Variants in PTPRD observed in about 807,000 individuals in gnomAD.
PTPRD encodes receptor-type tyrosine-protein phosphatase delta.
In PTPRD, 34 loss-of-function variants were observed where a neutral mutation model predicts 214.5. That is an observed-to-expected ratio of 0.16 (90% confidence interval 0.12 to 0.21). The LOEUF is 0.21. Ranked by LOEUF, PTPRD falls within the 10% of genes least tolerant of loss-of-function variation. The probability of loss-of-function intolerance (pLI) is 1.00; values close to 1 mark genes in which losing one functional copy is unlikely to be tolerated. For synonymous variants in PTPRD, 1,128 were observed against 845.7 expected (o/e 1.33, Z -5.79); for missense variants, 2,545 against 2,398.7 (o/e 1.06, Z -1.27).
intron 2 of PTPRD, among the ~76,000 whole-genome samples, chr9:10,384,102 T>G (rs1271394294): frequency 2.7e-5 from 4 of 149,782 alleles, no homozygotes. Context: ...GAAAAAGACC[T>G]AGTATTTGAT....
intron 44 of PTPRD, among the ~76,000 whole-genome samples, chr9:8,331,209 T>C (rs1350103256): frequency 3.4e-5 from 5 of 148,996 alleles, no homozygotes; most frequent in Admixed American, 6.6e-5. Flanking sequence ...TTCATGAGGT[T>C]TTCACAAACA....
intron 11 of PTPRD, chr9:8,963,073 A>C (rs893039138): frequency 2.0e-5 from 3 of 152,138 alleles, no homozygotes; most frequent in African/African-American, 7.2e-5. Flanking sequence ...AAAATGAATA[A>C]ACTATAACAA....
Position 8,315,872 on chromosome 9 carries a change from T to G in PTPRD, c.*2002A>C, listed in dbSNP as rs988308037. On this transcript the variant is annotated 3_prime_UTR_variant, in exon 46 of 46. Transcript: ENST00000381196. ...GGATTATTTAAAATCATGTAATATG[T>G]GGCAAACTTATGCCATCATCCATGG... The G allele has an allele frequency of 8.9e-6, 2 of 225,310 alleles. No individual in the cohort carries two copies. The highest frequency in any genetic ancestry group is 4.5e-5 in the African/African-American group (2 of 44,846). 14.0% of individuals were successfully genotyped at this position (225,310 alleles called of 1,614,324 possible).
intron 21 of PTPRD, among the ~76,000 whole-genome samples, chr9:8,514,202 ATTAC>A (rs1399307165): frequency 6.6e-6 from 1 of 152,092 alleles, no homozygotes; most frequent in Admixed American, 6.6e-5. Context: ...CTACTTCAAC[ATTAC>A]TTCTATATTT....
At chr9:9,416,965 G>A (rs548871669) in intron 8 of PTPRD, among the ~76,000 whole-genome samples, 1 of 152,208 alleles carries the variant, frequency 6.6e-6, no homozygotes, top group African/African-American at 2.4e-5. Flanking sequence ...TGCACTCATA[G>A]TTAATCTGGG....
intron 7 of PTPRD, among the ~76,000 whole-genome samples, chr9:9,692,309 C>A (rs12553769): frequency 0.62 from 94,756 of 151,696 alleles, 29,966 homozygotes; most frequent in South Asian, 0.66. Context: ...GTGTATAAAG[C>A]AAGAGGTAGG....
At chr9:8,460,127 T>C (rs571185756) in intron 33 of PTPRD, 3 of 366,316 alleles carry the variant, frequency 8.2e-6, no homozygotes, top group Admixed American at 8.9e-5. Flanking sequence ...AATGCCTCAA[T>C]TGTTATGAAA....
At position 8,633,530 on chromosome 9, in the gene PTPRD, A is replaced by G. The variant is rs928583386; in HGVS notation, c.211-72T>C. The G allele has an allele frequency of 2.0e-6, 3 of 1,537,320 alleles. No homozygotes were observed. The African/African-American group carries it at 4.2e-5, about 21-fold the overall frequency. On this transcript the variant is annotated intron_variant, in intron 13 of 45. Transcript: ENST00000381196. ...ACCTCTCAGCTAAAGCTCTCAATAC[A>G]GTGGTGGATCCGCCATTAGGCTCAT... is the stretch of plus-strand genomic sequence containing the variant.
At chr9:9,472,455 G>A (rs1231562500) in intron 8 of PTPRD, among the ~76,000 whole-genome samples, 3 of 151,712 alleles carry the variant, frequency 2.0e-5, no homozygotes, top group Admixed American at 6.6e-5. Context: ...CACCCGCCTC[G>A]GCCTCCCAAA....
At chr9:10,440,293 T>C (rs914840695) in intron 2 of PTPRD, among the ~76,000 whole-genome samples, 1 of 151,760 alleles carries the variant, frequency 6.6e-6, no homozygotes, top group African/African-American at 2.4e-5. Flanking sequence ...AAAGTTTATT[T>C]TTGTTGTCAT....
intron 2 of PTPRD, among the ~76,000 whole-genome samples, chr9:10,362,884 T>A (rs2097423835): frequency 6.6e-6 from 1 of 152,006 alleles, no homozygotes; most frequent in African/African-American, 2.4e-5. Context: ...CATCTCAAAA[T>A]AAATAAAAAA....
At chr9:10,339,218 A>G (rs1030335478) in intron 3 of PTPRD, among the ~76,000 whole-genome samples, 13 of 151,798 alleles carry the variant, frequency 8.6e-5, no homozygotes, top group Non-Finnish European at 1.8e-4. Flanking sequence ...AAATTTTCAG[A>G]CCACTTTCTT....
rs375805962 is a variant in PTPRD, at chr9:8,934,464, A to AATATAT, written c.-104+84227_-104+84232dup. 6.3e-4 allele frequency among the ~76,000 whole-genome samples: 7 copies of AATATAT among 11,090 alleles called. 1 individual carries two copies. Among genetic ancestry groups the AATATAT allele is most frequent in the East Asian group, 4.2e-3 (1 of 236 alleles). The allele number at this position is 11,090 out of a possible 152,430, so 7.3% of individuals were successfully genotyped here. Reference sequence around the variant, plus strand: ...ATATATATAAATTTATATATATATAAATATATATATATAAATATATATATA... The same window carrying AATATAT: ...ATATATATAAATTTATATATATATAAATATATATATATATATATAAATATATATATA... On this transcript the variant is annotated intron_variant, in intron 11 of 45. Coordinates refer to ENST00000381196, the MANE Select transcript of PTPRD (RefSeq NM_002839.4).
At chr9:8,816,863 A>G (rs531858036) in intron 11 of PTPRD, among the ~76,000 whole-genome samples, 1 of 152,306 alleles carries the variant, frequency 6.6e-6, no homozygotes, top group East Asian at 1.9e-4. Context: ...TTCTTTCCTC[A>G]CCTTCTAAGG....
At chr9:9,787,159 T>A (rs1014732819) in intron 5 of PTPRD, among the ~76,000 whole-genome samples, 3 of 151,162 alleles carry the variant, frequency 2.0e-5, no homozygotes, top group Non-Finnish European at 4.4e-5. Context: ...AAAAAATACA[T>A]AAAAATGTTT....
chr9:10,292,611 A>T (rs2095558816), intron 3 of PTPRD, among the ~76,000 whole-genome samples: 1 of 151,994 alleles, frequency 6.6e-6, no homozygotes, highest in African/African-American at 2.4e-5. Context: ...TTTTTGGGCA[A>T]TCTTAGGGTT....
At chr9:9,282,865 G>A (rs1948189425) in intron 9 of PTPRD, among the ~76,000 whole-genome samples, 3 of 151,470 alleles carry the variant, frequency 2.0e-5, no homozygotes, top group Non-Finnish European at 4.4e-5. Context: ...CAAAATTTCT[G>A]TTAGGAGCAC....
At chr9:8,733,406 A>G (rs1565646130) in intron 12 of PTPRD, among the ~76,000 whole-genome samples, 1 of 152,186 alleles carries the variant, frequency 6.6e-6, no homozygotes, top group Admixed American at 6.5e-5. Flanking sequence ...AATGATCCAC[A>G]AAAATAAAGA....
chr9:10,169,473 C>CAAAAAA (rs59335943), intron 3 of PTPRD, among the ~76,000 whole-genome samples: 26 of 66,824 alleles, frequency 3.9e-4, no homozygotes, highest in Admixed American at 6.9e-4. Flanking sequence ...GACTCTGTCT[C>CAAAAAA]AAAAAAAAAA....
Sources: gnomAD v4.1 joint callset for allele counts (sites outside exome capture counted in the v4.1 genomes callset) on GRCh38, gnomAD v4.1.1 for gene constraint, MANE v1.5 for transcripts, NCBI Gene and HGNC (gene_info 2026-07-23, HGNC 2026-07-21) for gene names.